Variants in TNFRSF19 observed in about 807,000 individuals in gnomAD.
TNFRSF19 encodes the protein TNF receptor superfamily member 19.
A neutral mutation model predicts 46.4 loss-of-function variants in TNFRSF19; 27 were observed. That is an observed-to-expected ratio of 0.58 (90% CI 0.43 to 0.80). The LOEUF (loss-of-function observed/expected upper bound fraction) is 0.80. Ranked by LOEUF, TNFRSF19 falls within the 30% of genes least tolerant of loss-of-function variation. TNFRSF19 has a pLI of 0.00. For synonymous variants in TNFRSF19, 204 were observed against 205.0 expected, an observed-to-expected ratio of 1.00 and a Z score of 0.04; for missense variants, 511 against 530.8, an observed-to-expected ratio of 0.96 and a Z score of 0.37.
intron 4 of TNFRSF19, among the ~76,000 whole-genome samples, chr13:23,619,778 T>C (rs1017211218): frequency 6.6e-6 from 1 of 152,128 alleles, no homozygotes; most frequent in African/African-American, 2.4e-5. Flanking sequence ...CTACAGGGGA[T>C]GTACAGGCTG....
chr13:23,577,996 C>T (rs1348886552), intron 1 of TNFRSF19, among the ~76,000 whole-genome samples: 1 of 152,044 alleles, frequency 6.6e-6, no homozygotes, highest in East Asian at 1.9e-4. Context: ...AAAGAGAGGA[C>T]GATGGGGGAC....
intron 5 of TNFRSF19, among the ~76,000 whole-genome samples, chr13:23,652,488 C>T (rs977669550): frequency 1.3e-5 from 2 of 152,140 alleles, no homozygotes; most frequent in African/African-American, 2.4e-5. Context: ...CTCCATGAAG[C>T]GCTACTTAAA....
intron 5 of TNFRSF19, among the ~76,000 whole-genome samples, chr13:23,638,138 A>C (rs1244909315): frequency 1.1e-5 from 1 of 89,668 alleles, no homozygotes; most frequent in Non-Finnish European, 3.0e-5. Flanking sequence ...TCATTGTTTC[A>C]TCAGTCAGAT....
intron 5 of TNFRSF19, among the ~76,000 whole-genome samples, chr13:23,636,728 A>G (rs1882712448): frequency 6.6e-6 from 1 of 152,202 alleles, no homozygotes; most frequent in Non-Finnish European, 1.5e-5. Flanking sequence ...TGCATCACGT[A>G]GGGCTCCTGG....
intron 1 of TNFRSF19, among the ~76,000 whole-genome samples, chr13:23,571,974 T>C (rs976039688): frequency 5.9e-5 from 9 of 152,004 alleles, no homozygotes; most frequent in African/African-American, 2.2e-4. Flanking sequence ...AAACCATAAG[T>C]GATAAGACCA....
chr13:23,655,849 G>T (rs2138379225), intron 5 of TNFRSF19, among the ~76,000 whole-genome samples: 1 of 151,580 alleles, frequency 6.6e-6, no homozygotes, highest in South Asian at 2.1e-4. Flanking sequence ...AAACTAAAAA[G>T]AATTAGTTTC....
In TNFRSF19 at chr13:23,570,669, C is replaced by G. The variant is rs1877584953; in HGVS notation, c.-214C>G. 1 of 152,050 alleles carries G rather than the reference C, an allele frequency of 6.6e-6. No individual in the cohort carries two copies. The highest frequency in any genetic ancestry group is 2.4e-5 in the African/African-American group (1 of 41,460). 9.4% of individuals were successfully genotyped at this position (152,050 alleles called of 1,614,324 possible). A position where few individuals can be genotyped will look rare whatever the true frequency, so the allele number is the denominator to read the frequency against. On this transcript the variant is annotated 5_prime_UTR_variant, in exon 1 of 10. Transcript: ENST00000248484. Reference sequence around the variant, plus strand: ...CAGCCCTGCCTTTGATGTTCAGCAACTGATTCACTGATCAGATTACAGGCA... The same window carrying G: ...CAGCCCTGCCTTTGATGTTCAGCAAGTGATTCACTGATCAGATTACAGGCA...
chr13:23,576,540 T>C (rs540450994), intron 1 of TNFRSF19, among the ~76,000 whole-genome samples: 5 of 152,302 alleles, frequency 3.3e-5, no homozygotes, highest in Non-Finnish European at 5.9e-5. Context: ...GTGGGAACTA[T>C]AGTGTTTGTT....
rs1478269124 is a variant in TNFRSF19 at position 23,659,079 on chromosome 13, G to T, written c.475G>T (p.Ala159Ser). The T allele has an allele frequency of 6.2e-7, 1 of 1,613,718 alleles. No homozygotes were observed. The highest frequency in any genetic ancestry group is 8.5e-7 in the Non-Finnish European group (1 of 1,179,962). The change falls in exon 6 of 10, where the codon GCG becomes TCG. Residue 159 changes from alanine (A) to serine (S), a missense_variant. By Grantham distance (99) the Ala-to-Ser change is moderately conservative. Transcript: ENST00000248484. This position sits in a 1 kb window ranked among gnomAD's most constrained non-coding sequence, Gnocchi z 4.9. Reference sequence around the variant, plus strand: ...CAGCAAGGTCAACCTCGTGAAGATCGCGTCCACGGCCTCCAGCCCACGGGA... The same window carrying T: ...CAGCAAGGTCAACCTCGTGAAGATCTCGTCCACGGCCTCCAGCCCACGGGA... ...CASKVNLVKI[A>S]STASSPRDTA... is the part of the protein sequence containing the mutation.
intron 5 of TNFRSF19, among the ~76,000 whole-genome samples, chr13:23,629,093 T>G (rs1349489370): frequency 4.6e-5 from 7 of 151,870 alleles, no homozygotes; most frequent in Non-Finnish European, 1.0e-4. Context: ...GGGCTTTTTT[T>G]TTTTTTTAGC....
intron 1 of TNFRSF19, among the ~76,000 whole-genome samples, chr13:23,588,998 G>A (rs1235214443): frequency 6.6e-6 from 1 of 152,218 alleles, no homozygotes; most frequent in Non-Finnish European, 1.5e-5. Flanking sequence ...AGCCTGCAGC[G>A]GAGGCAGCTC....
chr13:23,654,447 T>G (rs1721853380), intron 5 of TNFRSF19, among the ~76,000 whole-genome samples: 2 of 152,034 alleles, frequency 1.3e-5, no homozygotes, highest in Non-Finnish European at 2.9e-5. Context: ...TGGCCCGTCA[T>G]GCAGACACCA....
At chr13:23,660,515 T>C (rs776723784) in intron 7 of TNFRSF19, 25 bp downstream of exon 7, 3 of 1,609,190 alleles carry the variant, frequency 1.9e-6, no homozygotes, top group Admixed American at 1.7e-5. Context: ...GAAGTGCCGT[T>C]AGGAGGACTG....
In TNFRSF19 at chr13:23,626,757, C is replaced by T. The variant is rs1467404679; in HGVS notation, c.410C>T (p.Pro137Leu). ...LVGFQDMECVPCGDPPPPYEP... is the reference protein window; with the variant it reads ...LVGFQDMECVLCGDPPPPYEP... The stretch of plus-strand genomic sequence containing the variant: ...GGCTTTCAAGACATGGAGTGTGTGC[C>T]TTGTGGAGACCCTCCTCCTCCTTAC... The change falls in exon 5 of 10, where the codon CCT becomes CTT. Residue 137 changes from proline (P) to leucine (L), a missense_variant. Physicochemically the swap from Pro to Leu is moderately conservative, Grantham distance 98. This residue lies in a region of TNFRSF19 where 376 missense variants were observed against 372.7 expected (regional missense o/e 1.01). Coordinates refer to ENST00000248484, the MANE Select transcript of TNFRSF19 (RefSeq NM_148957.4). 6.2e-7 allele frequency: 1 copy of T among 1,614,010 alleles called. No individual in the cohort carries two copies. The highest frequency in any genetic ancestry group is 2.2e-5 in the East Asian group (1 of 44,898).
At chr13:23,638,981 T>C (rs9510793) in intron 5 of TNFRSF19, among the ~76,000 whole-genome samples, 39,410 of 152,156 alleles carry the variant, frequency 0.26, 5,542 homozygotes, top group Non-Finnish European at 0.32. Flanking sequence ...CAGTAATTTA[T>C]TTTTGTCCTA....
chr13:23,592,323 G>A (rs924586953), intron 2 of TNFRSF19, among the ~76,000 whole-genome samples: 3 of 152,092 alleles, frequency 2.0e-5, no homozygotes, highest in Admixed American at 1.3e-4. Context: ...CTTGCTTAGG[G>A]TAAGGGGTTG....
intron 4 of TNFRSF19, among the ~76,000 whole-genome samples, chr13:23,620,873 T>C (rs1255890299): frequency 1.3e-5 from 2 of 152,126 alleles, no homozygotes; most frequent in Non-Finnish European, 2.9e-5. Context: ...ACAACTAACA[T>C]TGAGCACTTA....
intron 9 of TNFRSF19, 45 bp from the exon 10 acceptor site, chr13:23,673,327 T>C (rs745448480): frequency 1.3e-6 from 2 of 1,578,872 alleles, no homozygotes; most frequent in East Asian, 4.5e-5. Flanking sequence ...CAGATTTAAC[T>C]TGTAAGACAT....
chr13:23,612,081 G>C (rs1338449139), intron 3 of TNFRSF19, among the ~76,000 whole-genome samples: 1 of 152,166 alleles, frequency 6.6e-6, no homozygotes, highest in East Asian at 1.9e-4. Flanking sequence ...GATTATTTTT[G>C]TTAAATCTCA....
Sources: allele counts gnomAD v4.1 joint callset (sites outside exome capture counted in the v4.1 genomes callset), GRCh38; gene constraint gnomAD v4.1.1; regional missense constraint gnomAD v4.1.1; non-coding constraint Gnocchi (gnomAD v3.1); transcripts MANE v1.5; gene names NCBI Gene and HGNC (gene_info 2026-07-23, HGNC 2026-07-21).